NPSR1: variants seen among roughly 807,000 people sequenced by gnomAD.
NPSR1 encodes neuropeptide S receptor.
NPSR1 carries 48 observed loss-of-function variants against 46.9 expected under a neutral mutation model. The observed-to-expected ratio is 1.02, with a 90% confidence interval of 0.81 to 1.30. The LOEUF is 1.30. Ranked by LOEUF, NPSR1 falls within the 50% of genes most tolerant of loss-of-function variation. The pLI, the probability that NPSR1 is intolerant of heterozygous loss-of-function variation, is 0.00. For synonymous variants in NPSR1, 176 were observed against 168.1 expected, an observed-to-expected ratio of 1.05 and a Z score of -0.36; for missense variants, 450 against 449.5, an observed-to-expected ratio of 1.00 and a Z score of -0.01.
intron 8 of NPSR1, among the ~76,000 whole-genome samples, chr7:34,864,860 A>G (rs1791273159): frequency 6.6e-6 from 1 of 151,882 alleles, no homozygotes; most frequent in Non-Finnish European, 1.5e-5. Flanking sequence ...TGTGGCATAA[A>G]CAGCTACTGT....
intron 4 of NPSR1, among the ~76,000 whole-genome samples, chr7:34,825,179 A>G (rs1789764411): frequency 6.6e-6 from 1 of 152,154 alleles, no homozygotes; most frequent in Non-Finnish European, 1.5e-5. Context: ...TTTCTCCTTC[A>G]GTATTGCATA....
intron 8 of NPSR1, among the ~76,000 whole-genome samples, chr7:34,876,502 A>G (rs1791577499): frequency 6.6e-6 from 1 of 152,204 alleles, no homozygotes; most frequent in African/African-American, 2.4e-5. Context: ...CAACTAGTAC[A>G]TACAGCACCG....
intron 5 of NPSR1, chr7:34,834,062 A>T (rs1790249551): frequency 2.3e-5 from 8 of 349,044 alleles, no homozygotes; most frequent in Non-Finnish European, 4.2e-5. Context: ...CAAGTAGAGG[A>T]GACCCAAGTT....
intron 2 of NPSR1, among the ~76,000 whole-genome samples, chr7:34,722,294 C>T (rs531525704): frequency 3.7e-4 from 56 of 152,078 alleles, no homozygotes; most frequent in Admixed American, 2.1e-3. Context: ...AAAATCCATC[C>T]GTAGGGTAAT....
intron 1 of NPSR1, 89 bp from the exon 2 acceptor site, chr7:34,684,463 G>C: frequency 7.6e-7 from 1 of 1,318,002 alleles, no homozygotes; most frequent in Non-Finnish European, 1.1e-6. Flanking sequence ...ATGTGGCTAG[G>C]AGGAAGAAAT....
rs540418462 is a variant in NPSR1, at chr7:34,782,360, C to A, written c.384+3795C>A. ...CTAGTACCAAGAGAAATCTTCTCAG[C>A]TCCAGCTTCCCTGGTGGGGGGAAAG... On this transcript the variant is annotated intron_variant, in intron 3 of 8. Transcript: ENST00000360581. Among the ~76,000 whole-genome samples, 4 of 152,278 alleles carry A rather than the reference C, an allele frequency of 2.6e-5. No homozygotes were observed. In the South Asian group the frequency reaches 8.3e-4, roughly 32 times the overall value.
chr7:34,701,246 A>G (rs1333322049), intron 2 of NPSR1, among the ~76,000 whole-genome samples: 1 of 152,220 alleles, frequency 6.6e-6, no homozygotes, highest in East Asian at 1.9e-4. Flanking sequence ...CTAAAAACAG[A>G]TCCTCCAAAA....
intron 2 of NPSR1, among the ~76,000 whole-genome samples, chr7:34,686,891 A>C (rs111771502): frequency 0.014 from 2,117 of 149,802 alleles, 46 homozygotes; most frequent in African/African-American, 0.05. Flanking sequence ...CATTCAGCTG[A>C]CATCAGAAAT....
intron 2 of NPSR1, among the ~76,000 whole-genome samples, chr7:34,698,072 T>A (rs944564924): frequency 6.6e-6 from 1 of 152,018 alleles, no homozygotes; most frequent in African/African-American, 2.4e-5. Flanking sequence ...AAACACAAAG[T>A]AAAAGTAAGC....
chr7:34,735,116 C>G (rs1016066632), intron 2 of NPSR1, among the ~76,000 whole-genome samples: 6 of 152,114 alleles, frequency 3.9e-5, no homozygotes, highest in Admixed American at 1.3e-4. Context: ...GGATGAAGAC[C>G]TGGTTGGGGG....
chr7:34,705,082 AT>A lies in NPSR1; in HGVS notation c.280+20404del, dbSNP rs1794032708. ...CTATATTGTCTCTTTTTATATACAT[AT>A]TTTTTGCCTGTTTAACGTATGATAG... On this transcript the variant is annotated intron_variant, in intron 2 of 8. Transcript: ENST00000360581. Among the ~76,000 whole-genome samples the A allele has an allele frequency of 2.0e-5, 3 of 152,160 alleles. No individual in the cohort carries two copies. In the South Asian group the frequency reaches 6.2e-4, roughly 32 times the overall value.
At chr7:34,683,511 T>A (rs1290534516) in intron 1 of NPSR1, among the ~76,000 whole-genome samples, 1 of 152,164 alleles carries the variant, frequency 6.6e-6, no homozygotes. Context: ...TTTTTCTTTT[T>A]TACTAATTAA....
At chr7:34,759,656 T>A (rs1786059102) in intron 2 of NPSR1, among the ~76,000 whole-genome samples, 1 of 152,118 alleles carries the variant, frequency 6.6e-6, no homozygotes, top group Non-Finnish European at 1.5e-5. Flanking sequence ...ACAGGCATAA[T>A]CATGGCGGGT....
At chr7:34,678,295 C>T (rs1237305742) in intron 1 of NPSR1, among the ~76,000 whole-genome samples, 1 of 146,580 alleles carries the variant, frequency 6.8e-6, no homozygotes, top group Non-Finnish European at 1.5e-5. Flanking sequence ...CATCTCAGCT[C>T]ACTGCAACCT....
chr7:34,737,383 C>A (rs1000766821), intron 2 of NPSR1, among the ~76,000 whole-genome samples: 1 of 151,192 alleles, frequency 6.6e-6, no homozygotes, highest in African/African-American at 2.4e-5. Flanking sequence ...GCTTATTCAT[C>A]CCACTTTTCC....
intron 2 of NPSR1, chr7:34,685,680 T>G (rs549103234): frequency 9.4e-6 from 4 of 423,304 alleles, no homozygotes; most frequent in African/African-American, 8.5e-5. Context: ...TTTATGACAC[T>G]GTAACTTACA....
chr7:34,830,978 A>G (rs906001592), intron 5 of NPSR1, among the ~76,000 whole-genome samples: 7 of 152,116 alleles, frequency 4.6e-5, no homozygotes, highest in Non-Finnish European at 5.9e-5. Context: ...ACTAGTTCAC[A>G]TCCCTTGTGT....
chr7:34,776,268 G>C (rs1322864225), intron 2 of NPSR1, among the ~76,000 whole-genome samples: 1 of 152,068 alleles, frequency 6.6e-6, no homozygotes, highest in Non-Finnish European at 1.5e-5. Context: ...TTTTCTGTCT[G>C]GAAGATCTGT....
At chr7:34,731,584 A>C (rs1474017102) in intron 2 of NPSR1, among the ~76,000 whole-genome samples, 1 of 152,236 alleles carries the variant, frequency 6.6e-6, no homozygotes, top group Non-Finnish European at 1.5e-5. Context: ...TTTACAAGAA[A>C]AAATAAATAG....
Sources: allele counts gnomAD v4.1 joint callset (sites outside exome capture counted in the v4.1 genomes callset), GRCh38; gene constraint gnomAD v4.1.1; transcripts MANE v1.5; gene names NCBI Gene and HGNC (gene_info 2026-07-23, HGNC 2026-07-21).